PLD3: variants seen among roughly 807,000 people sequenced by gnomAD.
PLD3 encodes phospholipase D family member 3.
Under a neutral mutation model 58.4 loss-of-function variants are expected in PLD3, and 31 were observed. The observed-to-expected ratio is 0.53, with a 90% CI of 0.40 to 0.72. The LOEUF (loss-of-function observed/expected upper bound fraction) is 0.72, where lower values mean the gene tolerates loss of function less well. PLD3 is among the 30% of genes least tolerant of loss of function. The pLI is 0.00. For synonymous variants in PLD3, 264 were observed against 273.4 expected, an observed-to-expected ratio of 0.97 and a Z score of 0.34; for missense variants, 595 against 659.8, an observed-to-expected ratio of 0.90 and a Z score of 1.08.
rs1397099614 is a variant in PLD3 at position 40,365,938 on chromosome 19, G to T, written c.-66+8G>T. 1.3e-5 allele frequency: 2 copies of T among 157,064 alleles called. No individual in the cohort carries two copies. Among genetic ancestry groups the T allele is most frequent in the African/African-American group, 2.4e-5 (1 of 41,496 alleles). 9.7% of individuals were successfully genotyped at this position (157,064 alleles called of 1,614,324 possible). On this transcript the variant is annotated splice_region_variant and intron_variant, in intron 2 of 12. Transcript: ENST00000409735. ...GGCCGAGGCCCCTCAGGGGTAGGTG[G>T]GGGGAGGCTGGCTGGGGGGATGGGC...
At chr19:40,368,330 G>A (rs2078980604) in intron 6 of PLD3, among the ~76,000 whole-genome samples, 1 of 152,176 alleles carries the variant, frequency 6.6e-6, no homozygotes, top group African/African-American at 2.4e-5. Context: ...GCTCTTGTGA[G>A]GATGAAATGG....
At chr19:40,356,885 A>G (rs1161721849) in intron 1 of PLD3, 1 of 152,230 alleles carries the variant, frequency 6.6e-6, no homozygotes, top group East Asian at 1.9e-4. Context: ...GGAGCCACAG[A>G]AGGATTTTGA....
rs201245824 is a variant in PLD3, at chr19:40,367,693, C to T, written c.246-3C>T. ...ATGGCTGATAGCATCCCCCACCCCC[C>T]AGAGCAGTGCTGGTGGAAAGCATTC... On this transcript the variant is annotated splice_polypyrimidine_tract_variant and splice_region_variant and intron_variant, in intron 5 of 12. Transcript: ENST00000409735. The T allele has an allele frequency of 1.6e-5, 25 of 1,604,304 alleles. No individual in the cohort carries two copies. The highest frequency in any genetic ancestry group is 2.0e-5 in the Non-Finnish European group (24 of 1,172,836).
Position 40,376,752 on chromosome 19 carries a change from A to G in PLD3, c.1163A>G (p.His388Arg). ...TCTCTGGCTGCCCTGCGTGACAACC[A>G]TACCCACTCTGACATCCAGGTGGTA... ...LLSLAALRDN[H>R]THSDIQVKLF... The change falls in exon 11 of 13, where the codon CAT becomes CGT. Residue 388 changes from histidine to arginine, a missense_variant. Physicochemically the swap from His to Arg is conservative, Grantham distance 29. Coordinates refer to ENST00000409735, the MANE Select transcript of PLD3 (RefSeq NM_012268.4). The G allele has an allele frequency of 6.2e-7, 1 of 1,600,384 alleles. No homozygotes were observed. Among genetic ancestry groups the G allele is most frequent in the Non-Finnish European group, 8.5e-7 (1 of 1,179,888 alleles).
At chr19:40,367,605 T>A in intron 5 of PLD3, 91 bp from the exon 6 acceptor site, 5 of 1,085,604 alleles carry the variant, frequency 4.6e-6, no homozygotes, top group Non-Finnish European at 6.7e-6. Flanking sequence ...ATACAGTCTA[T>A]CCAACACACC....
intron 9 of PLD3, among the ~76,000 whole-genome samples, chr19:40,372,422 A>G (rs1318831069): frequency 1.3e-5 from 2 of 152,150 alleles, no homozygotes; most frequent in Non-Finnish European, 2.9e-5. Flanking sequence ...ACTTGAGCCC[A>G]GGAAATCTAG....
intron 1 of PLD3, chr19:40,358,203 C>T (rs920107974): frequency 6.5e-6 from 1 of 152,824 alleles, no homozygotes; most frequent in Non-Finnish European, 1.5e-5. Flanking sequence ...GGTCCCACCT[C>T]AGCCTCCCAA....
intron 1 of PLD3, chr19:40,359,209 C>T (rs1401628591): frequency 6.6e-6 from 1 of 152,160 alleles, no homozygotes; most frequent in Non-Finnish European, 1.5e-5. Context: ...CGCCACCACG[C>T]CCGGCTAATT....
At chr19:40,368,001 G>T in intron 6 of PLD3, 122 bp downstream of exon 6, 1 of 820,398 alleles carries the variant, frequency 1.2e-6, no homozygotes, top group Non-Finnish European at 1.9e-6. Flanking sequence ...TCACACAGCA[G>T]ATTGGACACA....
chr19:40,369,778 TTAATC>T (rs1375520689), intron 6 of PLD3, 125 bp from the exon 7 acceptor site: 7 of 789,306 alleles, frequency 8.9e-6, no homozygotes, highest in South Asian at 2.0e-5. Flanking sequence ...TGTAAAGTCT[TTAATC>T]TATGCAGGCT....
At chr19:40,349,312 A>T (rs2078422202) in intron 1 of PLD3, among the ~76,000 whole-genome samples, 1 of 151,942 alleles carries the variant, frequency 6.6e-6, no homozygotes, top group South Asian at 2.1e-4. Context: ...CCTTGGCATC[A>T]CTGTTCCTCT....
intron 1 of PLD3, among the ~76,000 whole-genome samples, chr19:40,352,585 T>G (rs971340678): frequency 6.6e-6 from 1 of 152,150 alleles, no homozygotes; most frequent in Non-Finnish European, 1.5e-5. Flanking sequence ...TCTGGATCCT[T>G]AATTCCCTAA....
At position 40,371,714 on chromosome 19, in the gene PLD3, G is replaced by C; in HGVS notation, c.720G>C (p.Leu240=). 6.2e-7 allele frequency: 1 copy of C among 1,613,932 alleles called. No individual in the cohort carries two copies. Among genetic ancestry groups the C allele is most frequent in the South Asian group, 1.1e-5 (1 of 91,082 alleles). Residue 240 remains leucine (L), a synonymous_variant, in exon 9 of 13, where the codon CTG becomes CTC. Transcript: ENST00000409735. ...TGGTCATGTACAACTGCAGCTGCCTGGCTCGAGACCTGACCAAGATCTTTG... is the reference window on the plus strand; with the variant it reads ...TGGTCATGTACAACTGCAGCTGCCTCGCTCGAGACCTGACCAAGATCTTTG... ...LGVVMYNCSC[L]ARDLTKIFEA... is the part of the protein sequence containing the mutation.
At chr19:40,367,951 AG>A (rs1194451484) in intron 6 of PLD3, 72 bp downstream of exon 6, 1 of 1,319,576 alleles carries the variant, frequency 7.6e-7, no homozygotes, top group African/African-American at 1.5e-5. Context: ...TGGGGAATGA[AG>A]GGGTTTCTCC....
intron 1 of PLD3, chr19:40,356,006 C>T (rs2145665549): frequency 6.6e-6 from 1 of 152,404 alleles, no homozygotes; most frequent in East Asian, 1.9e-4. Context: ...TCTTCTCTCC[C>T]TAGGAGGCAT....
At chr19:40,353,844 C>G (rs2078581818) in intron 1 of PLD3, among the ~76,000 whole-genome samples, 2 of 152,060 alleles carry the variant, frequency 1.3e-5, no homozygotes, top group South Asian at 4.1e-4. Flanking sequence ...TCCCAAAGTG[C>G]TGGGATTACA....
At chr19:40,368,056 G>A (rs745815805) in intron 6 of PLD3, among the ~76,000 whole-genome samples, 177 bp downstream of exon 6, 9 of 152,282 alleles carry the variant, frequency 5.9e-5, no homozygotes, top group Non-Finnish European at 8.8e-5. Context: ...TGGACTGGGG[G>A]CGTTTGTCAC....
chr19:40,354,273 C>T (rs2078597860), intron 1 of PLD3, among the ~76,000 whole-genome samples: 1 of 151,336 alleles, frequency 6.6e-6, no homozygotes, highest in Non-Finnish European at 1.5e-5. Flanking sequence ...GGGGTTTCAC[C>T]ATGTTGGTCA....
chr19:40,354,964 A>C (rs574392119), intron 1 of PLD3, among the ~76,000 whole-genome samples: 2 of 150,710 alleles, frequency 1.3e-5, no homozygotes, highest in African/African-American at 4.9e-5. Flanking sequence ...CAGCCCCCTC[A>C]AGTAGCTGGG....
Sources: allele counts gnomAD v4.1 joint callset (sites outside exome capture counted in the v4.1 genomes callset), GRCh38; gene constraint gnomAD v4.1.1; transcripts MANE v1.5; gene names NCBI Gene and HGNC (gene_info 2026-07-23, HGNC 2026-07-21).